The following SAMMSON variants were observed in gnomAD, a reference collection of about 807,000 sequenced individuals.
SAMMSON encodes the protein long intergenic non-protein coding RNA 1212.
intron 3 of SAMMSON, among the ~76,000 whole-genome samples, chr3:70,022,160 C>A (rs1286496518): frequency 3.3e-5 from 5 of 151,510 alleles, no homozygotes; most frequent in Admixed American, 3.3e-4. Flanking sequence ...CTAGAATATA[C>A]AGGGATTTCT....
chr3:70,156,387 T>G (rs184306770), intron 4 of SAMMSON, among the ~76,000 whole-genome samples: 51 of 152,228 alleles, frequency 3.4e-4, no homozygotes, highest in Admixed American at 2.8e-3. Flanking sequence ...TGAAAGTCTC[T>G]CTTATCCAGG....
At chr3:70,355,551 A>G (rs1483314617) in intron 8 of SAMMSON, among the ~76,000 whole-genome samples, 1 of 152,196 alleles carries the variant, frequency 6.6e-6, no homozygotes, top group Non-Finnish European at 1.5e-5. Context: ...AAATTGGAAG[A>G]TGAAGTCATA....
intron 7 of SAMMSON, among the ~76,000 whole-genome samples, chr3:70,323,781 G>A (rs1230284955): frequency 6.6e-6 from 1 of 152,136 alleles, no homozygotes; most frequent in African/African-American, 2.4e-5. Context: ...TGAGGCCACA[G>A]TTCATCTGCA....
chr3:70,107,411 G>A (rs954959476), intron 4 of SAMMSON, among the ~76,000 whole-genome samples: 6 of 152,108 alleles, frequency 3.9e-5, no homozygotes, highest in South Asian at 2.1e-4. Flanking sequence ...GAGTGGTCTC[G>A]GTTTGGCTGA....
intron 3 of SAMMSON, among the ~76,000 whole-genome samples, chr3:70,063,942 T>C (rs1246364535): frequency 2.8e-4 from 43 of 152,228 alleles, no homozygotes; most frequent in African/African-American, 9.6e-4. Flanking sequence ...CTACAGTAAA[T>C]CTTTTCCTAC....
chr3:70,163,698 T>C (rs907541354), intron 4 of SAMMSON, among the ~76,000 whole-genome samples: 7 of 151,878 alleles, frequency 4.6e-5, no homozygotes, highest in Non-Finnish European at 5.9e-5. Flanking sequence ...GAACACTGTG[T>C]TGGAGCTGAC....
Position 70,105,416 on chromosome 3 carries a change from G to A in SAMMSON, n.507+33851G>A, listed in dbSNP as rs372196679. Among the ~76,000 whole-genome samples, 30 of 152,206 alleles carry A rather than the reference G, an allele frequency of 2.0e-4. No homozygotes were observed. In the South Asian group the frequency reaches 2.7e-3, roughly 14 times the overall value. On this transcript the variant is annotated intron_variant and non_coding_transcript_variant, in intron 4 of 9. Coordinates refer to ENST00000642114, the Ensembl canonical transcript of SAMMSON. ...TACTTTTACAGTGAGTACATAGAAC[G>A]GTTTTATTTGGGAATTGAATATTTG...
At chr3:70,218,958 C>A (rs1701438211) in intron 4 of SAMMSON, among the ~76,000 whole-genome samples, 1 of 151,674 alleles carries the variant, frequency 6.6e-6, no homozygotes, top group African/African-American at 2.4e-5. Flanking sequence ...TTAAAAATAA[C>A]AGGACAATTT....
Position 70,189,177 on chromosome 3 carries a change from G to T in SAMMSON, n.508-59930G>T, listed in dbSNP as rs138282517. The stretch of plus-strand genomic sequence containing the variant: ...GAGGAATCTTGAATTACTAATAATT[G>T]CTGTGTTCACAAAGGATAAAGCCAG... On this transcript the variant is annotated intron_variant and non_coding_transcript_variant, in intron 4 of 9. Transcript: ENST00000642114. Among the ~76,000 whole-genome samples the T allele has an allele frequency of 3.4e-4, 51 of 152,212 alleles. No individual in the cohort carries two copies. The East Asian group carries it at 3.9e-3, about 12-fold the overall frequency.
intron 4 of SAMMSON, among the ~76,000 whole-genome samples, chr3:70,162,465 C>T (rs755205011): frequency 1.1e-4 from 17 of 151,318 alleles, no homozygotes; most frequent in African/African-American, 3.9e-4. Context: ...TTTCTGTTAC[C>T]GATTTCCAGT....
At chr3:70,422,634 T>C (rs1037934559) in intron 2 of SAMMSON, among the ~76,000 whole-genome samples, 5 of 152,042 alleles carry the variant, frequency 3.3e-5, no homozygotes, top group Non-Finnish European at 5.9e-5. Context: ...TAGATTCACC[T>C]ATGAAAACCC....
intron 4 of SAMMSON, among the ~76,000 whole-genome samples, chr3:70,224,354 C>T (rs1335702554): frequency 6.6e-6 from 1 of 152,160 alleles, no homozygotes; most frequent in Non-Finnish European, 1.5e-5. Context: ...GCGGATGGTG[C>T]AAACTTCCAT....
intron 4 of SAMMSON, among the ~76,000 whole-genome samples, chr3:70,181,209 T>C (rs1701051180): frequency 6.6e-6 from 1 of 152,226 alleles, no homozygotes; most frequent in African/African-American, 2.4e-5. Flanking sequence ...GCGTGAAACA[T>C]GTCCACAGAA....
chr3:70,320,288 A>C (rs939674187), intron 7 of SAMMSON, among the ~76,000 whole-genome samples: 4 of 152,198 alleles, frequency 2.6e-5, no homozygotes, highest in African/African-American at 9.6e-5. Context: ...TACTTAAGTG[A>C]AGACCACCAG....
At chr3:70,027,332 A>G (rs998768485) in intron 3 of SAMMSON, among the ~76,000 whole-genome samples, 2 of 152,182 alleles carry the variant, frequency 1.3e-5, no homozygotes, top group African/African-American at 4.8e-5. Context: ...TTTTTGTTCT[A>G]ATACCCTTGA....
intron 2 of SAMMSON, among the ~76,000 whole-genome samples, chr3:70,404,006 G>C (rs1701161030): frequency 1.3e-5 from 2 of 152,006 alleles, no homozygotes; most frequent in Admixed American, 1.3e-4. Context: ...TTTCAGTGTA[G>C]TCTCAGATAT....
intron 2 of SAMMSON, among the ~76,000 whole-genome samples, chr3:70,427,255 T>C (rs1307122489): frequency 6.6e-6 from 1 of 152,152 alleles, no homozygotes; most frequent in Non-Finnish European, 1.5e-5. Flanking sequence ...TTCTAGGCAT[T>C]CATTGTTGTA....
At chr3:70,193,823 T>C (rs1576149886) in intron 4 of SAMMSON, among the ~76,000 whole-genome samples, 1 of 152,312 alleles carries the variant, frequency 6.6e-6, no homozygotes, top group East Asian at 1.9e-4. Context: ...CATTGGGTAA[T>C]TAATTCTGCC....
chr3:70,188,327 T>C (rs1040152498), intron 4 of SAMMSON, among the ~76,000 whole-genome samples: 1 of 152,328 alleles, frequency 6.6e-6, no homozygotes, highest in Admixed American at 6.5e-5. Flanking sequence ...TCATAATACC[T>C]TTCTCAGAGA....
Sources: allele counts gnomAD v4.1 joint callset (sites outside exome capture counted in the v4.1 genomes callset), GRCh38; gene constraint gnomAD v4.1.1; transcripts MANE v1.5; gene names NCBI Gene and HGNC (gene_info 2026-07-23, HGNC 2026-07-21).